Variants in ARHGAP29 observed in about 807,000 individuals in gnomAD.
ARHGAP29 encodes Rho GTPase activating protein 29.
A neutral mutation model predicts 122.6 loss-of-function variants in ARHGAP29; 43 were observed. The ratio of observed to expected loss-of-function variants is 0.35; its 90% CI spans 0.27 to 0.45. ARHGAP29 has a LOEUF of 0.45. Among genes scored for constraint, ARHGAP29 ranks in the 20% least tolerant of loss-of-function variants. ARHGAP29 has a pLI of 1.00. For missense variants in ARHGAP29, 1,303 were observed against 1,477.2 expected (o/e 0.88, Z 1.93); for synonymous variants, 506 against 497.1 (o/e 1.02, Z -0.24).
At chr1:94,227,816 A>G (rs983882819) in intron 2 of ARHGAP29, among the ~76,000 whole-genome samples, 2 of 151,866 alleles carry the variant, frequency 1.3e-5, no homozygotes, top group African/African-American at 4.8e-5. Context: ...TACACTGCAC[A>G]TATATTAATC....
chr1:94,217,870 A>C (rs56258405), intron 3 of ARHGAP29, among the ~76,000 whole-genome samples: 1 of 94,696 alleles, frequency 1.1e-5, no homozygotes, highest in Non-Finnish European at 2.4e-5. Flanking sequence ...CAAAAAAAAA[A>C]AAACTGAAAC....
rs1381304485 is a variant in ARHGAP29 at position 94,173,433 on chromosome 1, T to C, written c.*436A>G. The C allele has an allele frequency of 6.4e-6, 1 of 156,324 alleles. No homozygotes were observed. Among genetic ancestry groups the C allele is most frequent in the Non-Finnish European group, 1.4e-5 (1 of 70,314 alleles). 9.7% of individuals were successfully genotyped at this position (156,324 alleles called of 1,614,324 possible). ...CAAAACATATGCATACCAACAAAGA[T>C]CTTTTTAGGCACTTGCATTCAGAAA... On this transcript the variant is annotated 3_prime_UTR_variant, in exon 23 of 23. Coordinates refer to ENST00000260526, the MANE Select transcript of ARHGAP29 (RefSeq NM_004815.4).
chr1:94,275,100 A>G (rs1384252497), upstream of ARHGAP29: 3 of 152,172 alleles, frequency 2.0e-5, no homozygotes, highest in Non-Finnish European at 4.4e-5. Context: ...TACTTACTTG[A>G]ATAGCATTCT....
At chr1:94,237,293 CTCGGGG>C in intron 1 of ARHGAP29, 116 bp downstream of exon 1, 58 of 684,964 alleles carry the variant, frequency 8.5e-5, no homozygotes, top group Non-Finnish European at 1.0e-4. Flanking sequence ...ACCGCTTCCA[CTCGGGG>C]CCGCCCCGCG....
At chr1:94,298,017 C>A in the ARHGAP29 span, among the ~76,000 whole-genome samples, 1 of 152,092 alleles carries the variant, frequency 6.6e-6, no homozygotes, top group Non-Finnish European at 1.5e-5. Context: ...CTCTGAGATG[C>A]CATTTTCAAA....
Position 94,174,331 on chromosome 1 carries a change from T to A in ARHGAP29, c.3324A>T (p.Thr1108=), listed in dbSNP as rs762462057. 1.2e-6 allele frequency: 2 copies of A among 1,614,204 alleles called. No homozygotes were observed. The highest frequency in any genetic ancestry group is 2.2e-5 in the South Asian group (2 of 91,088). Residue 1108 remains threonine (T), a synonymous_variant, in exon 23 of 23, where the codon ACA becomes ACT. Coordinates refer to ENST00000260526, the MANE Select transcript of ARHGAP29 (RefSeq NM_004815.4). ...MPSALQEKGV[T]TSLQISGDHS... is the part of the protein sequence containing the mutation. ...GGTCCCCACTAATCTGGAGGCTTGT[T>A]GTCACTCCTTTTTCCTGGAGTGCAC...
At chr1:94,230,442 T>C (rs534900941) in intron 2 of ARHGAP29, among the ~76,000 whole-genome samples, 2 of 151,908 alleles carry the variant, frequency 1.3e-5, no homozygotes, top group East Asian at 3.9e-4. Flanking sequence ...ACTAAAACTT[T>C]GAGGCTTCAA....
intron 8 of ARHGAP29, 105 bp from the exon 9 acceptor site, chr1:94,203,315 C>T (rs984764455): frequency 1.4e-5 from 10 of 710,800 alleles, no homozygotes; most frequent in Non-Finnish European, 2.1e-5. Flanking sequence ...TAGACTTTTG[C>T]CCCCAGAAAA....
chr1:94,277,799 G>T (rs1557900101), upstream of ARHGAP29, among the ~76,000 whole-genome samples: 1 of 152,200 alleles, frequency 6.6e-6, no homozygotes, highest in Non-Finnish European at 1.5e-5. Flanking sequence ...AGAAGAATAG[G>T]CTAGTGTTTT....
the ARHGAP29 span, among the ~76,000 whole-genome samples, chr1:94,296,101 T>A: frequency 1.3e-5 from 2 of 152,134 alleles, no homozygotes; most frequent in African/African-American, 4.8e-5. Flanking sequence ...TCAACCACAG[T>A]CTGAGAATAT....
chr1:94,288,059 A>G, the ARHGAP29 span, among the ~76,000 whole-genome samples: 27 of 151,652 alleles, frequency 1.8e-4, no homozygotes, highest in African/African-American at 5.3e-4. Flanking sequence ...CTGGTTCTAG[A>G]TCCTTGATCC....
upstream of ARHGAP29, among the ~76,000 whole-genome samples, chr1:94,239,636 G>A (rs1653499276): frequency 6.6e-6 from 1 of 152,048 alleles, no homozygotes; most frequent in Admixed American, 6.6e-5. Context: ...GAAAGAAAAT[G>A]AGATGGAGAG....
chr1:94,304,323 A>T, the ARHGAP29 span, among the ~76,000 whole-genome samples: 2 of 152,172 alleles, frequency 1.3e-5, no homozygotes, highest in Non-Finnish European at 2.9e-5. Context: ...ATTGGTTTGT[A>T]TAAATGGAAT....
intron 19 of ARHGAP29, among the ~76,000 whole-genome samples, chr1:94,183,107 G>C (rs1460363593): frequency 3.3e-5 from 5 of 152,064 alleles, no homozygotes; most frequent in Non-Finnish European, 7.4e-5. Context: ...TGATGGATGG[G>C]CTAATTACCC....
At chr1:94,302,619 C>T in the ARHGAP29 span, 2 of 419,688 alleles carry the variant, frequency 4.8e-6, no homozygotes, top group East Asian at 7.4e-5. Flanking sequence ...GGCCATGGGG[C>T]TCTCCATTAC....
chr1:94,173,953 A>T lies in ARHGAP29; in HGVS notation c.3702T>A (p.Asp1234Glu). ...KEDSEELGLP[D>E]VNPMCQRPRL... ...TTGGTCTCTGACACATTGGATTCAC[A>T]TCAGGCAAGCCAAGCTCCTCAGAGT... Residue 1234 changes from aspartate to glutamate, a missense_variant, in exon 23 of 23, where the codon GAT (aspartate) becomes GAA (glutamate). Coordinates refer to ENST00000260526, the MANE Select transcript of ARHGAP29 (RefSeq NM_004815.4). The T allele has an allele frequency of 6.2e-7, 1 of 1,614,232 alleles. No homozygotes were observed. The highest frequency in any genetic ancestry group is 1.1e-5 in the South Asian group (1 of 91,086).
intron 1 of ARHGAP29, among the ~76,000 whole-genome samples, chr1:94,273,755 C>CT (rs991340643): frequency 3.8e-4 from 57 of 151,646 alleles, no homozygotes; most frequent in African/African-American, 1.3e-3. Flanking sequence ...AGTTTTTAGT[C>CT]TTTTTTTTCT....
At chr1:94,228,328 T>G (rs1570575121) in intron 2 of ARHGAP29, among the ~76,000 whole-genome samples, 1 of 151,808 alleles carries the variant, frequency 6.6e-6, no homozygotes, top group Non-Finnish European at 1.5e-5. Context: ...AGGAATAAAC[T>G]GCCAACATTC....
At chr1:94,202,782 ACAAGTGT>A (rs1429583073) in intron 10 of ARHGAP29, 50 bp from the exon 11 acceptor site, 2 of 1,584,596 alleles carry the variant, frequency 1.3e-6, no homozygotes, top group African/African-American at 2.7e-5. Context: ...ATCCTACTGA[ACAAGTGT>A]CTTTAGCATA....
Sources: allele counts gnomAD v4.1 joint callset (sites outside exome capture counted in the v4.1 genomes callset), GRCh38; gene constraint gnomAD v4.1.1; transcripts MANE v1.5; gene names NCBI Gene and HGNC (gene_info 2026-07-23, HGNC 2026-07-21).